The following NAALADL2 variants were observed in gnomAD, a reference collection of about 807,000 sequenced individuals.
The protein encoded by NAALADL2 is N-acetylated alpha-linked acidic dipeptidase like 2.
In NAALADL2, 76 loss-of-function variants were observed where a neutral mutation model predicts 87.2. The ratio of observed to expected loss-of-function variants is 0.87; its 90% CI spans 0.72 to 1.05. The LOEUF (loss-of-function observed/expected upper bound fraction) is 1.05. NAALADL2 is among the 50% of genes least tolerant of loss of function. NAALADL2 has a pLI of 0.00. For synonymous variants in NAALADL2, 354 were observed against 331.0 expected, an observed-to-expected ratio of 1.07 and a Z score of -0.75; for missense variants, 1,089 against 945.8, an observed-to-expected ratio of 1.15 and a Z score of -1.99.
chr3:175,213,123 A>T (rs1263267988), intron 2 of NAALADL2, among the ~76,000 whole-genome samples: 2 of 152,214 alleles, frequency 1.3e-5, no homozygotes, highest in African/African-American at 4.8e-5. Flanking sequence ...TCGGTGAAGT[A>T]TGAATCATTA....
At chr3:175,651,558 T>C (rs576511269) in intron 11 of NAALADL2, among the ~76,000 whole-genome samples, 2 of 152,288 alleles carry the variant, frequency 1.3e-5, no homozygotes, top group South Asian at 4.1e-4. Context: ...TCACTTGAAA[T>C]TTATAGGAAC....
At chr3:174,737,429 C>T (rs1268792117) in intron 2 of NAALADL2, among the ~76,000 whole-genome samples, 1 of 152,218 alleles carries the variant, frequency 6.6e-6, no homozygotes, top group Non-Finnish European at 1.5e-5. Context: ...TTTTTGTATA[C>T]ATTTGTTGTT....
rs1040545853 is a variant in NAALADL2, at chr3:175,062,726, A to T, written c.44-34064A>T. Among the ~76,000 whole-genome samples the T allele has an allele frequency of 5.9e-5, 9 of 152,302 alleles. No homozygotes were observed. In the East Asian group the frequency reaches 1.7e-3, roughly 29 times the overall value. On this transcript the variant is annotated intron_variant, in intron 1 of 13. Coordinates refer to ENST00000454872, the MANE Select transcript of NAALADL2 (RefSeq NM_207015.3). ...CTTAACCAATCACTTAGCAAGAACT[A>T]TTTAACTATCATATGTATGTTTTAA...
chr3:175,357,090 T>C lies in NAALADL2; in HGVS notation c.1090+32765T>C, dbSNP rs146651356. Among the ~76,000 whole-genome samples, 613 of 152,280 alleles carry C rather than the reference T, an allele frequency of 4.0e-3. 2 individuals are homozygous for C. The highest frequency in any genetic ancestry group is 0.01 in the Middle Eastern group (3 of 294). On this transcript the variant is annotated intron_variant, in intron 5 of 13. Transcript: ENST00000454872. ...GTCATGGAACCTTTTCTTTTTAAAG[T>C]GCAAAATCATCCTTTAAACATTTTT... is the stretch of plus-strand genomic sequence containing the variant.
At chr3:174,745,177 T>A (rs1203613373) in intron 3 of NAALADL2, among the ~76,000 whole-genome samples, 1 of 149,250 alleles carries the variant, frequency 6.7e-6, no homozygotes, top group Non-Finnish European at 1.5e-5. Context: ...TTGAAAAAAA[T>A]AATAAAATAG....
intron 1 of NAALADL2, among the ~76,000 whole-genome samples, chr3:174,870,436 G>A (rs1018987428): frequency 6.6e-6 from 1 of 152,080 alleles, no homozygotes; most frequent in African/African-American, 2.4e-5. Flanking sequence ...CTGAAATGAT[G>A]AGGACCTACT....
intron 9 of NAALADL2, among the ~76,000 whole-genome samples, chr3:175,494,823 T>G (rs1728584452): frequency 6.6e-6 from 1 of 152,022 alleles, no homozygotes; most frequent in East Asian, 1.9e-4. Flanking sequence ...TTAAGTACAA[T>G]ATCTTTTTAG....
intron 5 of NAALADL2, among the ~76,000 whole-genome samples, chr3:175,437,256 A>C (rs1404659594): frequency 2.0e-5 from 3 of 149,290 alleles, no homozygotes; most frequent in African/African-American, 7.4e-5. Context: ...GCAAAGTCTC[A>C]GGATACAAAA....
At chr3:175,152,751 C>G (rs756391517) in intron 2 of NAALADL2, among the ~76,000 whole-genome samples, 9 of 151,730 alleles carry the variant, frequency 5.9e-5, no homozygotes, top group Admixed American at 1.3e-4. Context: ...ATTAAAAATA[C>G]AAAAAATTAG....
chr3:175,649,579 G>A (rs1730471334), intron 11 of NAALADL2, among the ~76,000 whole-genome samples: 1 of 152,154 alleles, frequency 6.6e-6, no homozygotes, highest in African/African-American at 2.4e-5. Flanking sequence ...CTCCCCTTGG[G>A]TTGCAGATGG....
At chr3:175,793,430 C>G (rs558765777) in intron 13 of NAALADL2, among the ~76,000 whole-genome samples, 1 of 151,774 alleles carries the variant, frequency 6.6e-6, no homozygotes, top group Non-Finnish European at 1.5e-5. Context: ...CTGCCTCACC[C>G]TCCCGAGTAG....
chr3:175,736,473 A>C (rs2150079659), intron 11 of NAALADL2, among the ~76,000 whole-genome samples: 1 of 152,328 alleles, frequency 6.6e-6, no homozygotes, highest in East Asian at 1.9e-4. Flanking sequence ...GTGAAGACAC[A>C]CCAAACAAAG....
intron 3 of NAALADL2, among the ~76,000 whole-genome samples, chr3:174,787,602 T>TATATATATATATATATAGG (rs1716925307): frequency 1.4e-5 from 1 of 73,370 alleles, no homozygotes; most frequent in Non-Finnish European, 2.9e-5. Context: ...TATATATATA[T>TATATATATATATATATAGG]ATATATATAT....
chr3:174,632,093 G>C (rs1382240381), intron 2 of NAALADL2: 2 of 152,234 alleles, frequency 1.3e-5, no homozygotes, highest in African/African-American at 4.8e-5. Context: ...TTTGGTTGGG[G>C]TGAATCTTTT....
At chr3:175,712,028 G>A (rs1160727939) in intron 11 of NAALADL2, among the ~76,000 whole-genome samples, 1 of 151,818 alleles carries the variant, frequency 6.6e-6, no homozygotes, top group Non-Finnish European at 1.5e-5. Flanking sequence ...AGAAGCATAT[G>A]ATATGATCTA....
intron 1 of NAALADL2, among the ~76,000 whole-genome samples, chr3:175,005,768 C>T (rs868095812): frequency 8.0e-4 from 122 of 152,116 alleles, no homozygotes; most frequent in African/African-American, 2.7e-3. Context: ...ATAAATTAAT[C>T]GGGGTGTACA....
Position 174,478,390 on chromosome 3 carries a change from C to T in NAALADL2, c.-184+37358C>T, listed in dbSNP as rs954917298. On this transcript the variant is annotated intron_variant, in intron 1 of 3. Transcript: ENST00000434257. ...ACATATTGTGCAAATACACAAATAC[C>T]TAGAAACTATTTGCTATTTATATGC... 3.3e-5 allele frequency among the ~76,000 whole-genome samples: 5 copies of T among 151,902 alleles called. No homozygotes were observed. The South Asian group carries it at 1.0e-3, about 32-fold the overall frequency.
chr3:175,799,476 A>C (rs13340180), intron 13 of NAALADL2, among the ~76,000 whole-genome samples: 338 of 152,226 alleles, frequency 2.2e-3, no homozygotes, highest in African/African-American at 7.8e-3. Context: ...TTATGAATGT[A>C]AATATGTTTG....
At chr3:175,233,131 T>C (rs1399961584) in intron 2 of NAALADL2, among the ~76,000 whole-genome samples, 1 of 152,218 alleles carries the variant, frequency 6.6e-6, no homozygotes, top group Admixed American at 6.5e-5. Context: ...GTTTCGGTTT[T>C]ATTGGAAAAC....
Sources: gnomAD v4.1 joint callset for allele counts (sites outside exome capture counted in the v4.1 genomes callset) on GRCh38, gnomAD v4.1.1 for gene constraint, MANE v1.5 for transcripts, NCBI Gene and HGNC (gene_info 2026-07-23, HGNC 2026-07-21) for gene names.